ANAPC5: variants seen among roughly 807,000 people sequenced by gnomAD.
The protein encoded by ANAPC5 is anaphase-promoting complex subunit 5.
In ANAPC5, 60 loss-of-function variants were observed where a neutral mutation model predicts 91.3. The observed-to-expected ratio is 0.66, with a 90% CI of 0.53 to 0.81. The LOEUF (loss-of-function observed/expected upper bound fraction) is 0.81. ANAPC5 is among the 40% of genes least tolerant of loss of function. ANAPC5 has a pLI of 0.00. For missense variants in ANAPC5, 690 were observed against 931.5 expected, an observed-to-expected ratio of 0.74 and a Z score of 3.37; for synonymous variants, 340 against 364.1, an observed-to-expected ratio of 0.93 and a Z score of 0.75.
At chr12:121,335,776 AAGAC>A in intron 6 of ANAPC5, 53 bp from the exon 7 acceptor site, 1 of 1,460,430 alleles carries the variant, frequency 6.8e-7, no homozygotes, top group Middle Eastern at 2.1e-4. Context: ...TCTCTGGTGT[AAGAC>A]AACTGCAGAG....
In ANAPC5 at chr12:121,330,577, C is replaced by A; in HGVS notation, c.1122+6G>T. On this transcript the variant is annotated splice_donor_region_variant and intron_variant, in intron 9 of 16. Coordinates refer to ENST00000261819, the MANE Select transcript of ANAPC5 (RefSeq NM_016237.5). ...GGAAACAATCTCACAGAAAGATGAG[C>A]CTTACCGGTAACCCAAAATGTACTG... The A allele has an allele frequency of 1.2e-6, 2 of 1,612,396 alleles. No individual in the cohort carries two copies. Among genetic ancestry groups the A allele is most frequent in the Non-Finnish European group, 1.7e-6 (2 of 1,179,070 alleles).
chr12:121,314,095 TA>T (rs1902263453), intron 15 of ANAPC5, among the ~76,000 whole-genome samples: 1 of 151,998 alleles, frequency 6.6e-6, no homozygotes, highest in African/African-American at 2.4e-5. Flanking sequence ...CACAAATATA[TA>T]AATAAAATGA....
chr12:121,348,372 G>A (rs1199410451), intron 1 of ANAPC5, among the ~76,000 whole-genome samples: 6 of 152,176 alleles, frequency 3.9e-5, no homozygotes, highest in Admixed American at 2.0e-4. Flanking sequence ...TCTATAAAGA[G>A]TATGACGAGA....
intron 5 of ANAPC5, among the ~76,000 whole-genome samples, chr12:121,339,054 CTT>C (rs1259383557): frequency 8.5e-5 from 11 of 128,810 alleles, no homozygotes; most frequent in African/African-American, 1.7e-4. Flanking sequence ...ACTTTTTTTT[CTT>C]TTTTTTTTTT....
chr12:121,319,903 C>T, intron 12 of ANAPC5, 85 bp from the exon 13 acceptor site: 1 of 1,300,898 alleles, frequency 7.7e-7, no homozygotes, highest in Non-Finnish European at 1.0e-6. Context: ...GATTGCTTAG[C>T]AAATATCCTT....
intron 5 of ANAPC5, among the ~76,000 whole-genome samples, chr12:121,339,715 C>T (rs564840462): frequency 2.0e-5 from 3 of 152,252 alleles, no homozygotes; most frequent in African/African-American, 7.2e-5. Context: ...ATGATCCACC[C>T]GCCTTGGCCT....
At position 121,309,825 on chromosome 12, in the gene ANAPC5, G is replaced by A. The variant is rs746955839; in HGVS notation, c.1932C>T (p.Leu644=). The A allele has an allele frequency of 6.2e-7, 1 of 1,614,134 alleles. No individual in the cohort carries two copies. Among genetic ancestry groups the A allele is most frequent in the Non-Finnish European group, 8.5e-7 (1 of 1,180,024 alleles). ...CCAAGATGGGCTCGATGGCCATGTGGAGAAGACTTAAGGCCTGTTCTGGGA... is the reference window on the plus strand; with the variant it reads ...CCAAGATGGGCTCGATGGCCATGTGAAGAAGACTTAAGGCCTGTTCTGGGA... ...LGIPEQALSL[L]HMAIEPILAD... is the part of the protein sequence containing the mutation. Residue 644 remains leucine (L), a synonymous_variant, in exon 16 of 17, where the codon CTC becomes CTT. Transcript: ENST00000261819.
chr12:121,319,153 A>G (rs1902499941), intron 13 of ANAPC5, among the ~76,000 whole-genome samples: 1 of 152,192 alleles, frequency 6.6e-6, no homozygotes, highest in South Asian at 2.1e-4. Context: ...GCATGCAGGA[A>G]AAATTCTGGA....
chr12:121,344,837 G>A lies in ANAPC5; in HGVS notation c.590+1002C>T, dbSNP rs182826635. Among the ~76,000 whole-genome samples the A allele has an allele frequency of 1.3e-3, 203 of 152,268 alleles. 5 individuals carry two copies. The highest frequency in any genetic ancestry group is 1.9e-4 in the Non-Finnish European group (13 of 68,018). On this transcript the variant is annotated intron_variant, in intron 4 of 16. Coordinates refer to ENST00000261819, the MANE Select transcript of ANAPC5 (RefSeq NM_016237.5). ...AAATAAAGAGAAAGAGGTCAGGGAA[G>A]TTCATTGGGCCAGGTTATACAGGCA...
At chr12:121,330,537 G>T in intron 9 of ANAPC5, 46 bp downstream of exon 9, 1 of 1,536,372 alleles carries the variant, frequency 6.5e-7, no homozygotes, top group East Asian at 2.3e-5. Context: ...AAGAGACAAA[G>T]GCTCGACCAT....
intron 5 of ANAPC5, among the ~76,000 whole-genome samples, chr12:121,339,058 T>C (rs1382297265): frequency 4.1e-5 from 6 of 147,442 alleles, no homozygotes; most frequent in Admixed American, 1.3e-4. Context: ...TTTTTTCTTT[T>C]TTTTTTTTTT....
rs1902861232 is a variant in ANAPC5 at position 121,327,394 on chromosome 12, G to A, written c.1305-163C>T. 13 of 797,274 alleles carry A rather than the reference G, an allele frequency of 1.6e-5. No homozygotes were observed. The South Asian group carries it at 2.1e-4, about 13-fold the overall frequency. 49.4% of individuals were successfully genotyped at this position (797,274 alleles called of 1,614,324 possible). On this transcript the variant is annotated intron_variant, in intron 10 of 16. Transcript: ENST00000261819. ...CCAGTGCCAGCAACCTTGCCCTCAG[G>A]ATAAGAAAGGCAGAAAAGCATCCTG...
chr12:121,310,053 C>T (rs1902096799), intron 15 of ANAPC5, 190 bp from the exon 16 acceptor site: 1 of 452,996 alleles, frequency 2.2e-6, no homozygotes. Context: ...CAGACTATGA[C>T]AAATATAGCA....
At chr12:121,347,949 T>G in intron 1 of ANAPC5, 68 bp from the exon 2 acceptor site, 1 of 1,079,590 alleles carries the variant, frequency 9.3e-7, no homozygotes, top group Non-Finnish European at 1.4e-6. Flanking sequence ...ATTGCAAACA[T>G]AAATTCATTT....
At chr12:121,319,597 T>G in intron 13 of ANAPC5, 100 bp downstream of exon 13, 1 of 1,303,108 alleles carries the variant, frequency 7.7e-7, no homozygotes, top group Non-Finnish European at 1.0e-6. Context: ...GAAAATAAAG[T>G]TTTTTTCTAA....
intron 11 of ANAPC5, among the ~76,000 whole-genome samples, chr12:121,324,997 T>C (rs1355293001): frequency 6.6e-5 from 10 of 152,186 alleles, no homozygotes; most frequent in African/African-American, 2.4e-4. Flanking sequence ...AGATTCCATC[T>C]CTACAAAAAG....
In ANAPC5 at chr12:121,352,284, C is replaced by T. The variant is rs139439499; in HGVS notation, c.57G>A (p.Val19=). ...YFNPMMTNGV[V]HANVFGIKDW... ...CCTTGATGCCGAACACATTGGCGTG[C>T]ACAACCCCATTGGTCATCATGGGAT... The change falls in exon 1 of 17, where the codon GTG becomes GTA. Residue 19 remains valine (V), a synonymous_variant. Transcript: ENST00000261819. 2 of 1,614,048 alleles carry T rather than the reference C, an allele frequency of 1.2e-6. No individual in the cohort carries two copies. Among genetic ancestry groups the T allele is most frequent in the Non-Finnish European group, 1.7e-6 (2 of 1,179,910 alleles).
At chr12:121,310,605 G>A (rs527635941) in intron 15 of ANAPC5, among the ~76,000 whole-genome samples, 2 of 151,894 alleles carry the variant, frequency 1.3e-5, no homozygotes, top group East Asian at 3.9e-4. Flanking sequence ...CAAGAAAGCA[G>A]TAATGGAGGA....
At position 121,328,375 on chromosome 12, in the gene ANAPC5, T is replaced by C; in HGVS notation, c.1245A>G (p.Ser415=). 2 of 1,614,012 alleles carry C rather than the reference T, an allele frequency of 1.2e-6. No homozygotes were observed. The highest frequency in any genetic ancestry group is 2.2e-5 in the South Asian group (2 of 91,074). ...GTGCGATGCTGATATCGATGAGCTC[T>C]GACAGGCTGTGTTTCCAGTGCAGGA... is the stretch of plus-strand genomic sequence containing the variant. ...SDLLHWKHSL[S]ELIDISIAQK... The change falls in exon 10 of 17, where the codon TCA becomes TCG. Residue 415 remains serine (S), a synonymous_variant. Transcript: ENST00000261819.
Sources: gnomAD v4.1 joint callset for allele counts (sites outside exome capture counted in the v4.1 genomes callset) on GRCh38, gnomAD v4.1.1 for gene constraint, MANE v1.5 for transcripts, NCBI Gene and HGNC (gene_info 2026-07-23, HGNC 2026-07-21) for gene names.